SPNS3: variants seen among roughly 807,000 people sequenced by gnomAD.
SPNS3 encodes SPNS lysolipid transporter 3, sphingosine-1-phosphate (putative).
A neutral mutation model predicts 54.4 loss-of-function variants in SPNS3; 51 were observed. The observed-to-expected ratio is 0.94, with a 90% CI of 0.75 to 1.18. The LOEUF (loss-of-function observed/expected upper bound fraction) is 1.18, where lower values mean the gene tolerates loss of function less well. Among genes scored for constraint, SPNS3 ranks in the 50% most tolerant of loss-of-function variants. The pLI is 0.00. For synonymous variants in SPNS3, 309 were observed against 294.7 expected (o/e 1.05, Z -0.50); for missense variants, 669 against 677.4 (o/e 0.99, Z 0.14).
chr17:4,452,996 T>A lies in SPNS3; in HGVS notation c.924-20T>A, dbSNP rs374109241. On this transcript the variant is annotated intron_variant, in intron 7 of 11. Transcript: ENST00000355530. Reference sequence around the variant, plus strand: ...TAAGCTCACCCAGCTGACCAACCCTTCTGTGCTCTTCCCCATCAGCCTGAT... The same window carrying A: ...TAAGCTCACCCAGCTGACCAACCCTACTGTGCTCTTCCCCATCAGCCTGAT... 5.2e-5 allele frequency: 84 copies of A among 1,608,242 alleles called. No individual in the cohort carries two copies. In the African/African-American group the frequency reaches 1.1e-3, roughly 21 times the overall value.
intron 8 of SPNS3, among the ~76,000 whole-genome samples, chr17:4,458,554 TTTC>T (rs1324369693): frequency 1.1e-4 from 13 of 115,268 alleles, no homozygotes; most frequent in South Asian, 7.4e-4. Flanking sequence ...CTTTCCTTCC[TTTC>T]TTCCTTCCCT....
At chr17:4,485,111 G>C (rs1009257054) in intron 9 of SPNS3, 1 of 152,218 alleles carries the variant, frequency 6.6e-6, no homozygotes, top group African/African-American at 2.4e-5. Flanking sequence ...GCTCCAGCTG[G>C]ACCAGAGAGT....
intron 9 of SPNS3, among the ~76,000 whole-genome samples, chr17:4,481,040 AGG>A (rs1972136618): frequency 6.6e-6 from 1 of 152,082 alleles, no homozygotes. Flanking sequence ...AGCTTGGAGC[AGG>A]GTGAGGAGGG....
chr17:4,449,594 A>G (rs7225529), intron 7 of SPNS3, among the ~76,000 whole-genome samples: 119,229 of 151,970 alleles, frequency 0.78, 48,060 homozygotes, highest in Non-Finnish European at 0.87. Flanking sequence ...GCCATGGCCA[A>G]CTCTCTTGTC....
rs1290876797 is a variant in SPNS3, at chr17:4,448,202, G to T, written c.669G>T (p.Leu223=). ...TGGCCTTGATCCTGCTTATCCTGCT[G>T]GTTCCAGACCCACCCCGGGGAGCTG... ...EAVALILLIL[L]VPDPPRGAAE... Residue 223 remains leucine (L), a synonymous_variant, in exon 6 of 12, where the codon CTG becomes CTT. Coordinates refer to ENST00000355530, the MANE Select transcript of SPNS3 (RefSeq NM_182538.5). 2 of 1,605,244 alleles carry T rather than the reference G, an allele frequency of 1.2e-6. No individual in the cohort carries two copies. Among genetic ancestry groups the T allele is most frequent in the South Asian group, 1.1e-5 (1 of 89,272 alleles).
At chr17:4,446,591 G>A in intron 4 of SPNS3, 1 of 533,986 alleles carries the variant, frequency 1.9e-6, no homozygotes, top group Non-Finnish European at 3.4e-6. Flanking sequence ...TCTGACCCAG[G>A]TTTCCTGAAC....
chr17:4,457,342 T>C (rs570558208), intron 8 of SPNS3, among the ~76,000 whole-genome samples: 8 of 152,292 alleles, frequency 5.3e-5, no homozygotes, highest in African/African-American at 1.4e-4. Flanking sequence ...CAGTGAGCTC[T>C]GATCATGCCA....
rs117569224 is a variant in SPNS3, at chr17:4,476,148, C to T, written c.1114-2424C>T. Among the ~76,000 whole-genome samples the T allele has an allele frequency of 6.6e-3, 1,009 of 152,268 alleles. 75 individuals are homozygous for T. The East Asian group carries it at 0.16, about 24-fold the overall frequency. On this transcript the variant is annotated intron_variant, in intron 8 of 11. Coordinates refer to ENST00000355530, the MANE Select transcript of SPNS3 (RefSeq NM_182538.5). Reference sequence around the variant, plus strand: ...GAGTCAGCCCTGGTGGCCGCTGCCCCGGGAGACTGTAATTACAGGATTAGA... The same window carrying T: ...GAGTCAGCCCTGGTGGCCGCTGCCCTGGGAGACTGTAATTACAGGATTAGA...
chr17:4,448,591 C>T (rs2144039506), intron 6 of SPNS3, among the ~76,000 whole-genome samples: 1 of 152,364 alleles, frequency 6.6e-6, no homozygotes, highest in African/African-American at 2.4e-5. Context: ...GCACTCAGAG[C>T]CTCAACGTCC....
At chr17:4,469,007 C>T (rs192503502) in intron 8 of SPNS3, among the ~76,000 whole-genome samples, 4 of 151,846 alleles carry the variant, frequency 2.6e-5, no homozygotes, top group East Asian at 1.9e-4. Flanking sequence ...AGGCTGGTCT[C>T]GAACTCCTGA....
intron 6 of SPNS3, among the ~76,000 whole-genome samples, chr17:4,448,741 A>G (rs1302900997): frequency 6.6e-6 from 1 of 152,216 alleles, no homozygotes; most frequent in Non-Finnish European, 1.5e-5. Flanking sequence ...GGAGGCAGGC[A>G]GGAGTCAATT....
chr17:4,448,291 ACCTGGGG>A lies in SPNS3; in HGVS notation c.759_765del (p.Tyr253Ter). ...AGCAGCTGGTGTGAGGACGTCAGAT[ACCTGGGG>A]AAAAAGTGAGTATCCCTGCTACCCC... On this transcript the variant is annotated frameshift_variant, in exon 6 of 12. Transcript: ENST00000355530. LOFTEE classifies it high-confidence loss of function. The A allele has an allele frequency of 6.4e-7, 1 of 1,566,362 alleles. No individual in the cohort carries two copies. The highest frequency in any genetic ancestry group is 1.2e-5 in the South Asian group (1 of 85,284).
At chr17:4,439,745 G>T (rs771110687) in intron 2 of SPNS3, 22 bp downstream of exon 2, 1 of 1,601,588 alleles carries the variant, frequency 6.2e-7, no homozygotes. Flanking sequence ...CCCTGGCTCT[G>T]GAGCCGGGGC....
At chr17:4,449,766 C>T (rs9899556) in intron 7 of SPNS3, among the ~76,000 whole-genome samples, 34,901 of 151,812 alleles carry the variant, frequency 0.23, 4,657 homozygotes, top group East Asian at 0.55. Flanking sequence ...GTGAGGGCAT[C>T]CCATTTTACA....
chr17:4,444,317 C>T (rs147645813), intron 2 of SPNS3, among the ~76,000 whole-genome samples: 5,115 of 151,766 alleles, frequency 0.034, 273 homozygotes, highest in African/African-American at 0.12. Flanking sequence ...CAGGTTCAAA[C>T]GATTCTTGTG....
chr17:4,456,140 TG>T (rs1329206431), intron 8 of SPNS3, among the ~76,000 whole-genome samples: 3 of 152,024 alleles, frequency 2.0e-5, no homozygotes, highest in Admixed American at 6.6e-5. Flanking sequence ...TTAGTAGAGA[TG>T]GGGTTTTGCC....
At chr17:4,467,510 C>A (rs1037308367) in intron 8 of SPNS3, among the ~76,000 whole-genome samples, 1 of 152,070 alleles carries the variant, frequency 6.6e-6, no homozygotes, top group African/African-American at 2.4e-5. Context: ...CATCCTTCTC[C>A]GTGTGGCCGT....
intron 2 of SPNS3, among the ~76,000 whole-genome samples, chr17:4,440,468 G>A (rs1168513095): frequency 6.6e-6 from 1 of 152,134 alleles, no homozygotes; most frequent in African/African-American, 2.4e-5. Context: ...GGATCCCTGG[G>A]GATACACAGT....
chr17:4,477,842 G>T (rs574848102), intron 8 of SPNS3, among the ~76,000 whole-genome samples: 1 of 152,144 alleles, frequency 6.6e-6, no homozygotes, highest in Admixed American at 6.5e-5. Context: ...GGCTGGGCAC[G>T]CTGGCTGGCA....
Sources: allele counts gnomAD v4.1 joint callset (sites outside exome capture counted in the v4.1 genomes callset), GRCh38; gene constraint gnomAD v4.1.1; transcripts MANE v1.5; gene names NCBI Gene and HGNC (gene_info 2026-07-23, HGNC 2026-07-21).